The following URB1 variants were observed in gnomAD, a reference collection of about 807,000 sequenced individuals.
The protein encoded by URB1 is URB1 ribosome biogenesis factor, also known as nucleolar pre-ribosomal-associated protein 1.
In URB1, 197 loss-of-function variants were observed where a neutral mutation model predicts 242.3. The observed-to-expected ratio is 0.81, with a 90% CI of 0.72 to 0.91. The LOEUF is 0.91. URB1 is among the 40% of genes least tolerant of loss of function. The probability of loss-of-function intolerance (pLI) is 0.00; values close to 1 mark genes in which losing one functional copy is unlikely to be tolerated. For synonymous variants in URB1, 1,153 were observed against 1,201.8 expected, an observed-to-expected ratio of 0.96 and a Z score of 0.84; for missense variants, 2,721 against 2,860.5, an observed-to-expected ratio of 0.95 and a Z score of 1.11.
At chr21:32,380,795 G>A (rs1465261398) in intron 4 of URB1, among the ~76,000 whole-genome samples, 1 of 152,182 alleles carries the variant, frequency 6.6e-6, no homozygotes, top group Non-Finnish European at 1.5e-5. Flanking sequence ...CCTGCTAGTG[G>A]AAAGTTCCTG....
intron 24 of URB1, among the ~76,000 whole-genome samples, chr21:32,343,699 G>C (rs115951731): frequency 8.9e-4 from 135 of 152,272 alleles, no homozygotes; most frequent in African/African-American, 3.1e-3. Flanking sequence ...CCCTCTAAAA[G>C]AGCCCAGTCT....
At chr21:32,337,850 T>A (rs1287453106) in intron 26 of URB1, among the ~76,000 whole-genome samples, 1 of 152,030 alleles carries the variant, frequency 6.6e-6, no homozygotes, top group African/African-American at 2.4e-5. Context: ...TTAAGACATC[T>A]CCACAGTCAC....
Position 32,384,405 on chromosome 21 carries a change from T to C in URB1, c.342A>G (p.Ser114=), listed in dbSNP as rs2033558981. ...AILLRTASDL[S]HFHVVGTNIV... ...TGTTGGTTCCCACAACATGGAAATGTGAAAGATCACTTGCTGTCCGCAATA... is the reference window on the plus strand; with the variant it reads ...TGTTGGTTCCCACAACATGGAAATGCGAAAGATCACTTGCTGTCCGCAATA... The change falls in exon 3 of 39, where the codon TCA becomes TCG. Residue 114 remains serine (S), a synonymous_variant. Transcript: ENST00000382751. The C allele has an allele frequency of 1.3e-6, 2 of 1,552,164 alleles. No individual in the cohort carries two copies. Among genetic ancestry groups the C allele is most frequent in the Non-Finnish European group, 1.7e-6 (2 of 1,147,060 alleles).
At position 32,350,846 on chromosome 21, in the gene URB1, G is replaced by A; in HGVS notation, c.2690C>T (p.Ala897Val). 2 of 1,551,134 alleles carry A rather than the reference G, an allele frequency of 1.3e-6. No homozygotes were observed. The highest frequency in any genetic ancestry group is 2.4e-5 in the East Asian group (1 of 40,908). The change falls in exon 20 of 39, where the codon GCC becomes GTC. Residue 897 changes from alanine (A) to valine (V), a missense_variant. By Grantham distance (64) the Ala-to-Val change is moderately conservative. Transcript: ENST00000382751. ...ASSFTALLQA[A>V]YESQALRDEH... ...GTCCCGAAGCGCTTGGCTCTCGTAG[G>A]CTGCCTGCAGCAGGGCTGTGAAGGA...
intron 19 of URB1, among the ~76,000 whole-genome samples, chr21:32,351,487 T>C (rs542403275): frequency 3.3e-5 from 5 of 152,312 alleles, no homozygotes; most frequent in African/African-American, 9.6e-5. Flanking sequence ...TATAATTCCA[T>C]TTGACTTCCT....
chr21:32,312,062 C>T lies in URB1; in HGVS notation c.*2856G>A. On this transcript the variant is annotated 3_prime_UTR_variant, in exon 39 of 39. Transcript: ENST00000382751. ...TCAAGCCAACCTGGACACATACGTT[C>T]CTCGTTCTTCTTAGAGGCCATTTGC... The T allele has an allele frequency of 6.2e-7, 1 of 1,607,244 alleles. No individual in the cohort carries two copies. The highest frequency in any genetic ancestry group is 1.3e-5 in the African/African-American group (1 of 75,048).
chr21:32,319,201 CG>C lies in URB1; in HGVS notation c.5792+15del. On this transcript the variant is annotated intron_variant, in intron 36 of 38. Coordinates refer to ENST00000382751, the MANE Select transcript of URB1 (RefSeq NM_014825.3). ...CAAGAGGCCAGAAGGGCCCCCCTGG[CG>C]GGGGCAGGACTCACCTCAGGTGCTT... 1 of 1,535,438 alleles carries C rather than the reference CG, an allele frequency of 6.5e-7. No homozygotes were observed. The highest frequency in any genetic ancestry group is 8.8e-7 in the Non-Finnish European group (1 of 1,142,170).
intron 5 of URB1, among the ~76,000 whole-genome samples, chr21:32,375,798 T>A (rs1003509168): frequency 1.3e-5 from 2 of 151,786 alleles, no homozygotes; most frequent in African/African-American, 4.8e-5. Flanking sequence ...ATTTAAAAAT[T>A]AGCTGGGTAT....
In URB1 at chr21:32,363,669, AT is replaced by A. The variant is rs546362663; in HGVS notation, c.1336-341del. On this transcript the variant is annotated intron_variant, in intron 10 of 38. Transcript: ENST00000382751. ...TCTCACCAGAACCCACTCTGCCACT[AT>A]TTTTTTTTTGAGTCAGGGTCTCACT... 8.7e-4 allele frequency among the ~76,000 whole-genome samples: 129 copies of A among 148,918 alleles called. No homozygotes were observed. The East Asian group carries it at 0.018, about 21-fold the overall frequency.
intron 8 of URB1, among the ~76,000 whole-genome samples, chr21:32,371,320 C>T (rs2033403783): frequency 6.6e-6 from 1 of 152,202 alleles, no homozygotes; most frequent in Non-Finnish European, 1.5e-5. Flanking sequence ...CAAAGAGACG[C>T]ACACCCACAA....
rs377326099 is a variant in URB1, at chr21:32,373,188, TTA to T, written c.876+457_876+458del. Among the ~76,000 whole-genome samples the T allele has an allele frequency of 3.3e-4, 50 of 152,244 alleles. No individual in the cohort carries two copies. The East Asian group carries it at 6.4e-3, about 19-fold the overall frequency. ...CACGAGTTAACTAGCACAAAATAAA[TTA>T]TATATGTCAGTAGGTGAGGCTCCTA... is the stretch of plus-strand genomic sequence containing the variant. On this transcript the variant is annotated intron_variant, in intron 7 of 38. Coordinates refer to ENST00000382751, the MANE Select transcript of URB1 (RefSeq NM_014825.3).
At chr21:32,348,056 G>A (rs937640506) in intron 21 of URB1, among the ~76,000 whole-genome samples, 3 of 152,124 alleles carry the variant, frequency 2.0e-5, no homozygotes, top group Non-Finnish European at 2.9e-5. Context: ...CACCTGCCCC[G>A]GAAGGACTGG....
Position 32,355,444 on chromosome 21 carries a change from C to T in URB1, c.2106+5G>A, listed in dbSNP as rs571845249. On this transcript the variant is annotated splice_donor_5th_base_variant and intron_variant, in intron 16 of 38. Coordinates refer to ENST00000382751, the MANE Select transcript of URB1 (RefSeq NM_014825.3). ...TGTTCCTTTATGTGGGAAATATGTG[C>T]TTACGCGTTCCAGAAACTGAATCAC... 6.4e-7 allele frequency: 1 copy of T among 1,550,414 alleles called. No homozygotes were observed. Among genetic ancestry groups the T allele is most frequent in the East Asian group, 2.4e-5 (1 of 40,910 alleles).
At chr21:32,339,468 C>T (rs1398046575) in intron 25 of URB1, among the ~76,000 whole-genome samples, 2 of 151,258 alleles carry the variant, frequency 1.3e-5, no homozygotes, top group Non-Finnish European at 2.9e-5. Context: ...GGGAGGGATG[C>T]AGTGCATTTA....
chr21:32,377,200 A>T (rs369531628), intron 5 of URB1: 11 of 518,862 alleles, frequency 2.1e-5, no homozygotes, highest in African/African-American at 1.9e-4. Context: ...TGTGCAACCC[A>T]CTTCAGTGCC....
intron 30 of URB1, among the ~76,000 whole-genome samples, chr21:32,332,632 G>T (rs4817483): frequency 2.1e-5 from 2 of 95,128 alleles, no homozygotes; most frequent in African/African-American, 4.3e-5. Flanking sequence ...AATCCCATTA[G>T]AAAATGGGCA....
chr21:32,325,286 A>G lies in URB1; in HGVS notation c.5064T>C (p.His1688=). 3 of 1,551,728 alleles carry G rather than the reference A, an allele frequency of 1.9e-6. No homozygotes were observed. Among genetic ancestry groups the G allele is most frequent in the Admixed American group, 2.0e-5 (1 of 50,996 alleles). The change falls in exon 31 of 39, where the codon CAT becomes CAC. Residue 1688 remains histidine, a synonymous_variant. Coordinates refer to ENST00000382751, the MANE Select transcript of URB1 (RefSeq NM_014825.3). The part of the protein sequence containing the change: ...YDPQMRAIAY[H]VLAAYYSHLE... ...AGTGCGAGTAGTAGGCCGCCAGGAC[A>G]TGGTAGGCTATGGCTCGCATCTGGG...
chr21:32,359,933 G>A (rs1309113550), intron 13 of URB1, 25 bp from the exon 14 acceptor site: 2 of 1,545,008 alleles, frequency 1.3e-6, no homozygotes, highest in African/African-American at 2.8e-5. Flanking sequence ...GAGGCAGGCT[G>A]AAAAAAGTCA....
chr21:32,335,252 C>A lies in URB1; in HGVS notation c.4686-918G>T, dbSNP rs747148014. ...TTTCCACTCCTGCATGCTGTTTCCT[C>A]CTCCTGCTGCCCCAGGCCCCTCTGC... is the stretch of plus-strand genomic sequence containing the variant. On this transcript the variant is annotated intron_variant, in intron 28 of 38. Coordinates refer to ENST00000382751, the MANE Select transcript of URB1 (RefSeq NM_014825.3). 2.8e-3 allele frequency: 429 copies of A among 153,736 alleles called. 2 individuals carry two copies. The highest frequency in any genetic ancestry group is 0.017 in the South Asian group (81 of 4,856). 9.5% of individuals were successfully genotyped at this position (153,736 alleles called of 1,614,324 possible).
Sources: gnomAD v4.1 joint callset for allele counts (sites outside exome capture counted in the v4.1 genomes callset) on GRCh38, gnomAD v4.1.1 for gene constraint, MANE v1.5 for transcripts, NCBI Gene and HGNC (gene_info 2026-07-23, HGNC 2026-07-21) for gene names.